Variants in DDX46 observed in about 807,000 individuals in gnomAD.
DDX46 encodes the protein DEAD-box helicase 46, also known as probable ATP-dependent RNA helicase DDX46.
DDX46 carries 30 observed loss-of-function variants against 134.9 expected under a neutral mutation model. The ratio of observed to expected loss-of-function variants is 0.22; its 90% confidence interval spans 0.17 to 0.30. The LOEUF is 0.30. Ranked by LOEUF, DDX46 falls within the 10% of genes least tolerant of loss-of-function variation. DDX46 has a pLI of 1.00. For missense variants in DDX46, 622 were observed against 1,248.7 expected, an observed-to-expected ratio of 0.50 and a Z score of 7.56; for synonymous variants, 415 against 404.1, an observed-to-expected ratio of 1.03 and a Z score of -0.32.
chr5:134,790,303 T>C lies in DDX46; in HGVS notation c.1544-167T>C, dbSNP rs565859224. On this transcript the variant is annotated intron_variant, in intron 12 of 22. Transcript: ENST00000452510. ...AGTATTTGCCACTAGATTAAGACAT[T>C]GTAGATCAAAATTTCTTTTCACTTT... 3 of 636,396 alleles carry C rather than the reference T, an allele frequency of 4.7e-6. No homozygotes were observed. The East Asian group carries it at 8.3e-5, about 18-fold the overall frequency. The allele number at this position is 636,396 out of a possible 1,614,324, so 39.4% of individuals were successfully genotyped here. A position where few individuals can be genotyped will look rare whatever the true frequency, so the allele number is the denominator to read the frequency against.
intron 3 of DDX46, among the ~76,000 whole-genome samples, chr5:134,770,526 T>A (rs542305305): frequency 3.5e-4 from 53 of 152,200 alleles, no homozygotes; most frequent in Non-Finnish European, 6.3e-4. Context: ...TAAAAGTATT[T>A]TAAGGCCGGG....
Position 134,758,933 on chromosome 5 carries a change from G to T in DDX46, c.-6G>T. ...CAAGGGCACCAGTATTCCCGCGGTCGGCAGCATGGGTCGGGAGTCACGGTG... is the reference window on the plus strand; with the variant it reads ...CAAGGGCACCAGTATTCCCGCGGTCTGCAGCATGGGTCGGGAGTCACGGTG... On this transcript the variant is annotated 5_prime_UTR_variant, in exon 1 of 23. Transcript: ENST00000452510. The T allele has an allele frequency of 1.2e-6, 2 of 1,613,278 alleles. No individual in the cohort carries two copies. Among genetic ancestry groups the T allele is most frequent in the South Asian group, 1.1e-5 (1 of 91,076 alleles).
At chr5:134,820,990 T>C (rs1200647559) in intron 21 of DDX46, among the ~76,000 whole-genome samples, 2 of 149,902 alleles carry the variant, frequency 1.3e-5, no homozygotes, top group Admixed American at 1.3e-4. Context: ...CTCAGCCTCC[T>C]GAGAAGCTAG....
At chr5:134,786,839 C>T (rs1754352171) in intron 11 of DDX46, among the ~76,000 whole-genome samples, 1 of 152,068 alleles carries the variant, frequency 6.6e-6, no homozygotes, top group South Asian at 2.1e-4. Flanking sequence ...AGCAAGACTC[C>T]ATCTTGGGGG....
intron 3 of DDX46, among the ~76,000 whole-genome samples, chr5:134,770,223 T>TA (rs58102851): frequency 2.1e-5 from 3 of 145,668 alleles, no homozygotes; most frequent in Non-Finnish European, 3.0e-5. Context: ...TTTTTTTTTT[T>TA]AAAAAGAGAC....
At chr5:134,796,588 C>G (rs1283693770) in intron 15 of DDX46, among the ~76,000 whole-genome samples, 1 of 152,216 alleles carries the variant, frequency 6.6e-6, no homozygotes, top group Admixed American at 6.5e-5. Context: ...CATGGTAGCT[C>G]ACGCCTGTAA....
chr5:134,767,090 T>A (rs777399360), intron 3 of DDX46, 30 bp downstream of exon 3: 1 of 1,577,456 alleles, frequency 6.3e-7, no homozygotes, highest in South Asian at 1.2e-5. Flanking sequence ...GCATCTATAG[T>A]GCAGACTGGG....
chr5:134,777,027 A>G (rs1466295598), intron 5 of DDX46, among the ~76,000 whole-genome samples: 3 of 152,256 alleles, frequency 2.0e-5, no homozygotes, highest in Admixed American at 6.5e-5. Context: ...CCTGGCTCAC[A>G]TGGTGAAACC....
chr5:134,815,623 C>T (rs556599825), intron 18 of DDX46, among the ~76,000 whole-genome samples: 15 of 137,464 alleles, frequency 1.1e-4, no homozygotes, highest in African/African-American at 4.1e-4. Flanking sequence ...AGAAGAATGG[C>T]GTGAACCTGG....
At chr5:134,767,199 GTTTTA>G in intron 3 of DDX46, 139 bp downstream of exon 3, 1 of 1,074,474 alleles carries the variant, frequency 9.3e-7, no homozygotes, top group East Asian at 2.9e-5. Flanking sequence ...TGTTGGCAGT[GTTTTA>G]TTTTAATTGG....
chr5:134,824,999 G>A (rs919177350), intron 21 of DDX46, among the ~76,000 whole-genome samples: 7 of 152,108 alleles, frequency 4.6e-5, no homozygotes, highest in African/African-American at 1.4e-4. Context: ...AGTTGTTTTA[G>A]GACCAATGAA....
intron 2 of DDX46, among the ~76,000 whole-genome samples, chr5:134,764,909 C>G (rs558278686): frequency 6.6e-6 from 1 of 151,598 alleles, no homozygotes; most frequent in African/African-American, 2.4e-5. Flanking sequence ...CTCTTTCTCT[C>G]TTTCTCTTTC....
chr5:134,776,913 CAA>C (rs59477051), intron 5 of DDX46, among the ~76,000 whole-genome samples: 37 of 78,146 alleles, frequency 4.7e-4, no homozygotes, highest in Admixed American at 6.5e-4. Flanking sequence ...GACTCTGTCT[CAA>C]AAAAAAAAAA....
chr5:134,785,669 A>G, intron 11 of DDX46, 83 bp downstream of exon 11: 2 of 1,465,082 alleles, frequency 1.4e-6, no homozygotes, highest in Non-Finnish European at 1.8e-6. Flanking sequence ...TTTTACTTTT[A>G]GTTTTTTGAA....
chr5:134,763,940 T>C lies in DDX46; in HGVS notation c.54T>C (p.Ser18=). 1 of 1,614,216 alleles carries C rather than the reference T, an allele frequency of 6.2e-7. No homozygotes were observed. Among genetic ancestry groups the C allele is most frequent in the Middle Eastern group, 1.7e-4 (1 of 6,060 alleles). Residue 18 remains serine (S), a synonymous_variant, in exon 2 of 23, where the codon TCT becomes TCC. Transcript: ENST00000452510. The part of the protein sequence containing the change: ...YRKRSASRGR[S]GSRSRSRSPS... ...AACGATCGGCATCCCGGGGTCGCTCTGGAAGTCGGTCTAGAAGTCGCTCAC... is the reference window on the plus strand; with the variant it reads ...AACGATCGGCATCCCGGGGTCGCTCCGGAAGTCGGTCTAGAAGTCGCTCAC...
chr5:134,812,059 C>CTTTTT (rs767502728), intron 18 of DDX46, among the ~76,000 whole-genome samples: 19 of 99,034 alleles, frequency 1.9e-4, no homozygotes, highest in South Asian at 4.1e-4. Flanking sequence ...GTGAAAAGTC[C>CTTTTT]TTTTTTTTTT....
At chr5:134,800,667 TTTTG>T (rs559974001) in intron 15 of DDX46, among the ~76,000 whole-genome samples, 1,750 of 152,040 alleles carry the variant, frequency 0.012, 19 homozygotes, top group Middle Eastern at 0.017. Context: ...TCGTGTGTGT[TTTTG>T]TTTGTTTGTT....
chr5:134,811,711 A>G lies in DDX46; in HGVS notation c.2302A>G (p.Lys768Glu), dbSNP rs772145837. 6.3e-7 allele frequency: 1 copy of G among 1,592,398 alleles called. No individual in the cohort carries two copies. Among genetic ancestry groups the G allele is most frequent in the South Asian group, 1.2e-5 (1 of 86,286 alleles). Residue 768 changes from lysine to glutamate, a missense_variant, in exon 18 of 23, where the codon AAA becomes GAA. This residue lies in a region of DDX46 where 209 missense variants were observed against 508.4 expected (regional missense o/e 0.41). Transcript: ENST00000452510. ...TTTTTGAAAGGAGGGGAAAATAATT[A>G]AAAAGAGTAGTGGGTTCTCTGGTAA... ...DQQKAEGKII[K>E]KSSGFSGKGF...
At chr5:134,816,161 CAGG>C (rs1337454456) in intron 18 of DDX46, among the ~76,000 whole-genome samples, 1 of 152,168 alleles carries the variant, frequency 6.6e-6, no homozygotes, top group Non-Finnish European at 1.5e-5. Context: ...CTGGTCCTCT[CAGG>C]AGTCTGATGA....
Sources: allele counts gnomAD v4.1 joint callset (sites outside exome capture counted in the v4.1 genomes callset), GRCh38; gene constraint gnomAD v4.1.1; regional missense constraint gnomAD v4.1.1; transcripts MANE v1.5; gene names NCBI Gene and HGNC (gene_info 2026-07-23, HGNC 2026-07-21).